The following PDE7B variants were observed in gnomAD, a reference collection of about 807,000 sequenced individuals.
PDE7B encodes 3',5'-cyclic-AMP phosphodiesterase 7B.
A neutral mutation model predicts 56.2 loss-of-function variants in PDE7B; 29 were observed. The observed-to-expected ratio is 0.52, with a 90% CI of 0.38 to 0.70. The LOEUF is 0.70. Among genes scored for constraint, PDE7B ranks in the 30% least tolerant of loss-of-function variants. The pLI, the probability that PDE7B is intolerant of heterozygous loss-of-function variation, is 0.00. For synonymous variants in PDE7B, 197 were observed against 196.9 expected (o/e 1.00, Z 0.00); for missense variants, 490 against 565.0 (o/e 0.87, Z 1.35).
At chr6:136,020,181 T>A (rs1047745169) in intron 2 of PDE7B, among the ~76,000 whole-genome samples, 2 of 152,166 alleles carry the variant, frequency 1.3e-5, no homozygotes, top group Non-Finnish European at 2.9e-5. Context: ...TTTTCTTAGC[T>A]CTTGTGAAGG....
chr6:136,004,842 A>T (rs12177626), intron 2 of PDE7B, among the ~76,000 whole-genome samples: 13,295 of 151,792 alleles, frequency 0.088, 933 homozygotes, highest in African/African-American at 0.19. Context: ...TCACAGAATT[A>T]GAAAAAACTA....
intron 1 of PDE7B, among the ~76,000 whole-genome samples, chr6:135,928,038 T>A (rs975574550): frequency 1.3e-5 from 2 of 152,062 alleles, no homozygotes; most frequent in African/African-American, 4.8e-5. Flanking sequence ...GAAAAAATGC[T>A]CATCATCAGT....
intron 2 of PDE7B, among the ~76,000 whole-genome samples, chr6:135,954,386 A>G (rs1774752879): frequency 6.6e-6 from 1 of 152,172 alleles, no homozygotes; most frequent in Non-Finnish European, 1.5e-5. Context: ...CGGTTGGCCT[A>G]GTATTTAAAA....
intron 2 of PDE7B, among the ~76,000 whole-genome samples, chr6:136,097,583 C>T (rs1350292117): frequency 6.6e-6 from 1 of 152,110 alleles, no homozygotes; most frequent in African/African-American, 2.4e-5. Flanking sequence ...CATACTGCAC[C>T]CAAAGTTGTT....
rs374491235 is a variant in PDE7B at position 136,037,645 on chromosome 6, C to A, written c.83-71086C>A. On this transcript the variant is annotated intron_variant, in intron 2 of 12. Transcript: ENST00000308191. ...TTGAGAACTCCTTGGGGCTTGCAGGCCTGAGCCTGTACCACAGGGGTGACT... is the reference window on the plus strand; with the variant it reads ...TTGAGAACTCCTTGGGGCTTGCAGGACTGAGCCTGTACCACAGGGGTGACT... 4.1e-6 allele frequency: 4 copies of A among 985,440 alleles called. No individual in the cohort carries two copies. In the African/African-American group the frequency reaches 5.2e-5, roughly 13 times the overall value. 61.0% of individuals were successfully genotyped at this position (985,440 alleles called of 1,614,324 possible). A position where few individuals can be genotyped will look rare whatever the true frequency, so the allele number is the denominator to read the frequency against.
intron 1 of PDE7B, among the ~76,000 whole-genome samples, chr6:135,945,463 T>C (rs1431655102): frequency 6.9e-6 from 1 of 144,246 alleles, no homozygotes; most frequent in East Asian, 2.0e-4. Context: ...TCTTTTCATA[T>C]CACTGAACCA....
At chr6:135,969,425 C>T (rs1006870129) in intron 2 of PDE7B, among the ~76,000 whole-genome samples, 3 of 152,092 alleles carry the variant, frequency 2.0e-5, no homozygotes, top group African/African-American at 4.8e-5. Context: ...AGGAATGAAT[C>T]AGAGCTTGTT....
chr6:135,905,850 C>G (rs1421915543), intron 1 of PDE7B, among the ~76,000 whole-genome samples: 2 of 152,184 alleles, frequency 1.3e-5, no homozygotes, highest in African/African-American at 4.8e-5. Flanking sequence ...GAATGCGTGC[C>G]AGTCACTTTT....
At chr6:136,120,348 G>A (rs1328220531) in intron 3 of PDE7B, among the ~76,000 whole-genome samples, 5 of 152,286 alleles carry the variant, frequency 3.3e-5, no homozygotes, top group East Asian at 1.9e-4. Flanking sequence ...CTGATGGCTG[G>A]AAAAGTGAGG....
In PDE7B at chr6:136,192,485, CAG is replaced by C. The variant is rs1405572424; in HGVS notation, c.*649_*650del. ...TTGACTTTATTATGCCACTTTGGGG[CAG>C]AGACTTGGCATCTTCGCAGTTTAAG... On this transcript the variant is annotated 3_prime_UTR_variant, in exon 13 of 13. Coordinates refer to ENST00000308191, the MANE Select transcript of PDE7B (RefSeq NM_018945.4). 10 of 152,550 alleles carry C rather than the reference CAG, an allele frequency of 6.6e-5. 1 individual carries two copies. The South Asian group carries it at 2.1e-3, about 32-fold the overall frequency. 9.4% of individuals were successfully genotyped at this position (152,550 alleles called of 1,614,324 possible). A position where few individuals can be genotyped will look rare whatever the true frequency, so the allele number is the denominator to read the frequency against.
At chr6:135,875,686 A>G (rs1256243323) in intron 1 of PDE7B, among the ~76,000 whole-genome samples, 1 of 152,200 alleles carries the variant, frequency 6.6e-6, no homozygotes, top group Admixed American at 6.5e-5. Flanking sequence ...TCAATCTTGA[A>G]GGGTATGTAA....
intron 8 of PDE7B, among the ~76,000 whole-genome samples, chr6:136,172,775 G>A (rs373735217): frequency 0.018 from 2,730 of 152,032 alleles, 25 homozygotes; most frequent in Non-Finnish European, 0.026. Flanking sequence ...TAGGTCTAAC[G>A]TTTAAGTCTT....
In PDE7B at chr6:136,191,997, CT is replaced by C. The variant is rs1023877622; in HGVS notation, c.*161del. On this transcript the variant is annotated 3_prime_UTR_variant, in exon 13 of 13. Transcript: ENST00000308191. ...TCCTCCCACTTACCTGCCTCCCCTCCTTTTCGCAAATGTACAGAAGCCATTT... is the reference window on the plus strand; with the variant it reads ...TCCTCCCACTTACCTGCCTCCCCTCCTTTCGCAAATGTACAGAAGCCATTT... 5 of 625,968 alleles carry C rather than the reference CT, an allele frequency of 8.0e-6. No individual in the cohort carries two copies. The African/African-American group carries it at 9.2e-5, about 12-fold the overall frequency. The allele number at this position is 625,968 out of a possible 1,614,324, so 38.8% of individuals were successfully genotyped here.
chr6:135,867,676 T>C lies in PDE7B; in HGVS notation c.21+15657T>C, dbSNP rs146591165. On this transcript the variant is annotated intron_variant, in intron 1 of 12. Transcript: ENST00000308191. The stretch of plus-strand genomic sequence containing the variant: ...TTACTCTTCTCCGTTGATAATATTA[T>C]ACCTTACAGGTAACAGTAGAAGCTA... Among the ~76,000 whole-genome samples the C allele has an allele frequency of 3.2e-3, 481 of 152,324 alleles. 2 individuals carry two copies. Among genetic ancestry groups the C allele is most frequent in the South Asian group, 0.017 (84 of 4,826 alleles).
At chr6:136,014,597 A>C (rs1775944777) in intron 2 of PDE7B, among the ~76,000 whole-genome samples, 1 of 152,278 alleles carries the variant, frequency 6.6e-6, no homozygotes, top group South Asian at 2.1e-4. Context: ...GTTTTAAAGC[A>C]CCTCTATGAC....
At chr6:136,131,060 G>C (rs894893968) in intron 3 of PDE7B, among the ~76,000 whole-genome samples, 99 of 152,264 alleles carry the variant, frequency 6.5e-4, no homozygotes, top group African/African-American at 2.2e-3. Context: ...TATCCATTCT[G>C]TATATTCAGG....
At position 136,151,194 on chromosome 6, in the gene PDE7B, C is replaced by T; in HGVS notation, c.417C>T (p.Phe139=). The stretch of plus-strand genomic sequence containing the variant: ...TGGTAACACTGTTGTGCCACCTCTT[C>T]AATACCCATGGACTCATTCACCATT... ...NSLVTLLCHL[F]NTHGLIHHFK... Residue 139 remains phenylalanine (F), a synonymous_variant, in exon 6 of 13, where the codon TTC becomes TTT. Transcript: ENST00000308191. The T allele has an allele frequency of 6.2e-7, 1 of 1,611,542 alleles. No homozygotes were observed. The highest frequency in any genetic ancestry group is 8.5e-7 in the Non-Finnish European group (1 of 1,177,822).
Position 136,072,203 on chromosome 6 carries a change from G to A in PDE7B, c.83-36528G>A, listed in dbSNP as rs1277472988. 2.6e-5 allele frequency among the ~76,000 whole-genome samples: 4 copies of A among 152,156 alleles called. No homozygotes were observed. In the South Asian group the frequency reaches 6.2e-4, roughly 24 times the overall value. On this transcript the variant is annotated intron_variant, in intron 2 of 12. Coordinates refer to ENST00000308191, the MANE Select transcript of PDE7B (RefSeq NM_018945.4). ...AAACACAGTTCCTGCCCTTAATGGG[G>A]AAAACAGAAAATAAATAGGCGGGGA...
chr6:136,029,576 A>G (rs1245575090), intron 2 of PDE7B, among the ~76,000 whole-genome samples: 1 of 152,234 alleles, frequency 6.6e-6, no homozygotes, highest in Non-Finnish European at 1.5e-5. Context: ...GACAAAGAGT[A>G]GATAGACCCA....
Sources: gnomAD v4.1 joint callset for allele counts (sites outside exome capture counted in the v4.1 genomes callset) on GRCh38, gnomAD v4.1.1 for gene constraint, MANE v1.5 for transcripts, NCBI Gene and HGNC (gene_info 2026-07-23, HGNC 2026-07-21) for gene names.